Variants in C10orf90 observed in about 807,000 individuals in gnomAD.
The protein encoded by C10orf90 is chromosome 10 open reading frame 90.
Under a neutral mutation model 62.5 loss-of-function variants are expected in C10orf90, and 56 were observed. The ratio of observed to expected loss-of-function variants is 0.90; its 90% CI spans 0.72 to 1.12. C10orf90 has a LOEUF of 1.12. C10orf90 is among the 50% of genes most tolerant of loss of function. C10orf90 has a pLI of 0.00. For missense variants in C10orf90, 970 were observed against 880.4 expected, an observed-to-expected ratio of 1.10 and a Z score of -1.29; for synonymous variants, 386 against 340.4, an observed-to-expected ratio of 1.13 and a Z score of -1.47.
chr10:126,552,141 G>C (rs1180322852), intron 2 of C10orf90, among the ~76,000 whole-genome samples: 1 of 152,196 alleles, frequency 6.6e-6, no homozygotes, highest in African/African-American at 2.4e-5. Flanking sequence ...AGGGTCATCA[G>C]TGTAAAAAAG....
At chr10:126,568,326 C>A (rs1224086453) in intron 2 of C10orf90, among the ~76,000 whole-genome samples, 2 of 152,192 alleles carry the variant, frequency 1.3e-5, no homozygotes, top group Non-Finnish European at 2.9e-5. Flanking sequence ...CTGTTGCTGG[C>A]AGAATTCAAT....
At chr10:126,637,218 C>T (rs1310442294) in intron 2 of C10orf90, among the ~76,000 whole-genome samples, 1 of 152,094 alleles carries the variant, frequency 6.6e-6, no homozygotes, top group Non-Finnish European at 1.5e-5. Flanking sequence ...AGGAGGAGGG[C>T]AGATTGATTC....
chr10:126,628,451 G>A (rs2576009), intron 2 of C10orf90, among the ~76,000 whole-genome samples: 86,472 of 151,604 alleles, frequency 0.57, 24,952 homozygotes, highest in Middle Eastern at 0.69. Context: ...TTGGGTGATT[G>A]GATGTTGTGT....
In C10orf90 at chr10:126,429,853, G is replaced by A. The variant is rs1312896921; in HGVS notation, c.2189-3C>T. 1.2e-6 allele frequency: 2 copies of A among 1,612,354 alleles called. No individual in the cohort carries two copies. ...TTCTTTGGGTTTGAACAAGTTATCT[G>A]GAAAAAATAGAAAGAGAATTAAGTT... On this transcript the variant is annotated splice_polypyrimidine_tract_variant and splice_region_variant and intron_variant, in intron 7 of 9. Coordinates refer to ENST00000488181, the MANE Select transcript of C10orf90 (RefSeq NM_001350921.2).
At chr10:126,450,206 A>C (rs1476971356) in intron 7 of C10orf90, among the ~76,000 whole-genome samples, 2 of 152,124 alleles carry the variant, frequency 1.3e-5, no homozygotes, top group Non-Finnish European at 2.9e-5. Context: ...AGAAGTAAAA[A>C]GTAAGAGTAA....
At chr10:126,467,262 T>G (rs1276178465) in intron 4 of C10orf90, among the ~76,000 whole-genome samples, 1 of 152,214 alleles carries the variant, frequency 6.6e-6, no homozygotes, top group African/African-American at 2.4e-5. Flanking sequence ...CTTAGTGTAC[T>G]GGAGAAAAGA....
At chr10:126,521,157 T>A (rs935490879) in intron 2 of C10orf90, 3 of 879,744 alleles carry the variant, frequency 3.4e-6, no homozygotes, top group Non-Finnish European at 5.2e-6. Context: ...TTGGCCCAGG[T>A]CTTTAGAGAT....
At chr10:126,577,919 A>G (rs1844660165) in intron 2 of C10orf90, among the ~76,000 whole-genome samples, 1 of 152,160 alleles carries the variant, frequency 6.6e-6, no homozygotes, top group Admixed American at 6.5e-5. Context: ...ATTGTGTGGA[A>G]TAGATATCCA....
chr10:126,476,684 C>T (rs113758108), intron 4 of C10orf90, among the ~76,000 whole-genome samples: 1 of 152,332 alleles, frequency 6.6e-6, no homozygotes, highest in African/African-American at 2.4e-5. Flanking sequence ...TCCCATTTAA[C>T]GCGGACTTCC....
In C10orf90 at chr10:126,544,307, T is replaced by A. The variant is rs138004005; in HGVS notation, c.314-30368A>T. Among the ~76,000 whole-genome samples the A allele has an allele frequency of 7.1e-4, 108 of 152,258 alleles. 1 individual carries two copies. Among genetic ancestry groups the A allele is most frequent in the South Asian group, 5.8e-3 (28 of 4,830 alleles). On this transcript the variant is annotated intron_variant, in intron 2 of 9. Transcript: ENST00000488181. ...CATAGGAAAACTATCTGCTGTACCCTTTGGGTCCTACCAAGCCCAGCATTA... is the reference window on the plus strand; with the variant it reads ...CATAGGAAAACTATCTGCTGTACCCATTGGGTCCTACCAAGCCCAGCATTA...
rs573115174 is a variant in C10orf90 at position 126,621,134 on chromosome 10, C to G, written c.313+25431G>C. On this transcript the variant is annotated intron_variant, in intron 2 of 9. Transcript: ENST00000488181. ...TAGATAATACTGCTATGAACATCTT[C>G]AAGTATATAGTTGTTTTGCCTCTGT... Among the ~76,000 whole-genome samples, 16 of 152,298 alleles carry G rather than the reference C, an allele frequency of 1.1e-4. No homozygotes were observed. In the South Asian group the frequency reaches 3.1e-3, roughly 30 times the overall value.
chr10:126,631,346 C>A (rs1304726230), intron 2 of C10orf90, among the ~76,000 whole-genome samples: 2 of 152,142 alleles, frequency 1.3e-5, no homozygotes, highest in Non-Finnish European at 2.9e-5. Flanking sequence ...ACACACCAGT[C>A]CCGTTCCTTC....
chr10:126,555,366 C>G (rs985227577), intron 2 of C10orf90, among the ~76,000 whole-genome samples: 1 of 152,010 alleles, frequency 6.6e-6, no homozygotes, highest in Non-Finnish European at 1.5e-5. Flanking sequence ...TTATATGTCT[C>G]ATCATACACT....
intron 2 of C10orf90, among the ~76,000 whole-genome samples, chr10:126,645,877 C>T (rs1048765628): frequency 1.4e-4 from 22 of 152,000 alleles, no homozygotes; most frequent in African/African-American, 5.1e-4. Flanking sequence ...GGCTCATCTG[C>T]CACATTTATA....
chr10:126,664,878 C>G (rs1220668233), intron 1 of C10orf90, among the ~76,000 whole-genome samples: 1 of 152,206 alleles, frequency 6.6e-6, no homozygotes, highest in Non-Finnish European at 1.5e-5. Context: ...ACAGGCAGCT[C>G]CAGTTGACAG....
At chr10:126,565,067 TTA>T (rs1395149961) in intron 2 of C10orf90, among the ~76,000 whole-genome samples, 15 of 21,282 alleles carry the variant, frequency 7.0e-4, no homozygotes, top group African/African-American at 2.7e-3. Context: ...AAAATATATA[TTA>T]TATATAATAT....
intron 2 of C10orf90, among the ~76,000 whole-genome samples, chr10:126,526,285 T>C (rs1275353711): frequency 1.3e-5 from 2 of 151,216 alleles, no homozygotes; most frequent in African/African-American, 2.4e-5. Flanking sequence ...CACTCTGTCG[T>C]TCAGGCTGGA....
intron 2 of C10orf90, among the ~76,000 whole-genome samples, chr10:126,548,434 T>G (rs1340122151): frequency 2.6e-5 from 4 of 152,110 alleles, no homozygotes; most frequent in Non-Finnish European, 5.9e-5. Context: ...TGGCGCAATC[T>G]TGGCTCACTG....
At chr10:126,432,115 G>GCAGGGT (rs1291916599) in intron 7 of C10orf90, among the ~76,000 whole-genome samples, 1 of 152,176 alleles carries the variant, frequency 6.6e-6, no homozygotes, top group Non-Finnish European at 1.5e-5. Flanking sequence ...CTGATAAATA[G>GCAGGGT]CAGGGTCTTT....
Sources: gnomAD v4.1 joint callset for allele counts (sites outside exome capture counted in the v4.1 genomes callset) on GRCh38, gnomAD v4.1.1 for gene constraint, MANE v1.5 for transcripts, NCBI Gene and HGNC (gene_info 2026-07-23, HGNC 2026-07-21) for gene names.